The following PRKCA variants were observed in gnomAD, a reference collection of about 807,000 sequenced individuals.
PRKCA encodes the protein protein kinase C alpha, also known as protein kinase C alpha type.
PRKCA carries 27 observed loss-of-function variants against 87.0 expected under a neutral mutation model. The observed-to-expected ratio is 0.31, with a 90% CI of 0.23 to 0.43. The LOEUF (loss-of-function observed/expected upper bound fraction) is 0.43, where lower values mean the gene tolerates loss of function less well. Ranked by LOEUF, PRKCA falls within the 20% of genes least tolerant of loss-of-function variation. PRKCA has a pLI of 1.00. For missense variants in PRKCA, 518 were observed against 852.3 expected, an observed-to-expected ratio of 0.61 and a Z score of 4.88; for synonymous variants, 329 against 311.1, an observed-to-expected ratio of 1.06 and a Z score of -0.61.
chr17:66,394,622 A>G (rs1231275407), intron 2 of PRKCA, among the ~76,000 whole-genome samples: 1 of 152,162 alleles, frequency 6.6e-6, no homozygotes, highest in Non-Finnish European at 1.5e-5. Flanking sequence ...AGTAAACCCC[A>G]TGATATATTT....
At chr17:66,529,112 T>A (rs1191407069) in intron 3 of PRKCA, among the ~76,000 whole-genome samples, 1 of 152,254 alleles carries the variant, frequency 6.6e-6, no homozygotes, top group Non-Finnish European at 1.5e-5. Flanking sequence ...ATATCATCTT[T>A]GATTACTATT....
chr17:66,642,721 T>A (rs1163376854), intron 4 of PRKCA, among the ~76,000 whole-genome samples: 1 of 152,042 alleles, frequency 6.6e-6, no homozygotes, highest in Non-Finnish European at 1.5e-5. Context: ...CCTTACAGAG[T>A]TGTACGGCAT....
At position 66,649,011 on chromosome 17, in the gene PRKCA, C is replaced by T. The variant is rs182773819; in HGVS notation, c.529+3500C>T. On this transcript the variant is annotated intron_variant, in intron 5 of 16. Coordinates refer to ENST00000413366, the MANE Select transcript of PRKCA (RefSeq NM_002737.3). The stretch of plus-strand genomic sequence containing the variant: ...CAGGAGGAGGCTGAGGCAGGATAAT[C>T]GGTTGAACCCAGGAGGTGGAGGTTG... Among the ~76,000 whole-genome samples, 870 of 151,012 alleles carry T rather than the reference C, an allele frequency of 5.8e-3. 5 individuals are homozygous for T. The highest frequency in any genetic ancestry group is 7.6e-3 in the Non-Finnish European group (517 of 67,870).
intron 3 of PRKCA, among the ~76,000 whole-genome samples, chr17:66,632,363 C>CTTTTTGT (rs1378305486): frequency 1.3e-5 from 2 of 151,782 alleles, no homozygotes; most frequent in Non-Finnish European, 2.9e-5. Context: ...GAGGAGGGGG[C>CTTTTTGT]TTTTTGTTTT....
chr17:66,362,026 C>A (rs765250017), intron 2 of PRKCA, among the ~76,000 whole-genome samples: 8 of 147,316 alleles, frequency 5.4e-5, no homozygotes, highest in Non-Finnish European at 7.6e-5. Flanking sequence ...GGGTTGAGCT[C>A]TTTCTTTCTT....
intron 2 of PRKCA, among the ~76,000 whole-genome samples, chr17:66,311,549 C>T (rs1365835098): frequency 6.6e-6 from 1 of 152,034 alleles, no homozygotes; most frequent in Non-Finnish European, 1.5e-5. Flanking sequence ...CCTGGGAGGT[C>T]GAGGATGCAA....
intron 2 of PRKCA, among the ~76,000 whole-genome samples, chr17:66,395,826 A>G (rs753009150): frequency 5.9e-5 from 9 of 152,136 alleles, no homozygotes; most frequent in Non-Finnish European, 1.0e-4. Context: ...AGAGATCCTT[A>G]TAGTCTTTGA....
intron 3 of PRKCA, among the ~76,000 whole-genome samples, chr17:66,586,563 AGTTT>A (rs1364554829): frequency 3.9e-5 from 6 of 152,188 alleles, no homozygotes; most frequent in Non-Finnish European, 7.3e-5. Flanking sequence ...TTTAGGAGTT[AGTTT>A]AAGAAAAGCT....
chr17:66,567,418 G>A (rs1343387840), intron 3 of PRKCA, among the ~76,000 whole-genome samples: 1 of 152,086 alleles, frequency 6.6e-6, no homozygotes, highest in Non-Finnish European at 1.5e-5. Context: ...TTGCTAAGCC[G>A]TGGCTGTTAA....
At chr17:66,793,590 CAAAAAAAAAAAAA>C (rs1168440797) in intron 16 of PRKCA, among the ~76,000 whole-genome samples, 2 of 51,570 alleles carry the variant, frequency 3.9e-5, no homozygotes, top group East Asian at 5.4e-4. Flanking sequence ...AACTCCGTCT[CAAAAAAAAAAAAA>C]AAAAAAAAAA....
rs564686549 is a variant in PRKCA, at chr17:66,655,333, T to C, written c.529+9822T>C. ...CCCATCTCCCCATATTTACCCCTTA[T>C]GTCCCCTACACGTTTGCACTCAGAT... On this transcript the variant is annotated intron_variant, in intron 5 of 16. Transcript: ENST00000413366. 3.9e-5 allele frequency among the ~76,000 whole-genome samples: 6 copies of C among 152,232 alleles called. No homozygotes were observed. In the South Asian group the frequency reaches 1.0e-3, roughly 26 times the overall value.
At chr17:66,649,948 G>A (rs1971547855) in intron 5 of PRKCA, among the ~76,000 whole-genome samples, 1 of 152,184 alleles carries the variant, frequency 6.6e-6, no homozygotes, top group Non-Finnish European at 1.5e-5. Context: ...AGAGGGAAGA[G>A]AGCTCCGATT....
chr17:66,720,076 C>T (rs1474953893), intron 8 of PRKCA, among the ~76,000 whole-genome samples: 3 of 152,060 alleles, frequency 2.0e-5, no homozygotes, highest in Non-Finnish European at 2.9e-5. Context: ...TCCCAGTGGC[C>T]GAAGAAAGTA....
At chr17:66,390,114 T>G (rs1386634170) in intron 2 of PRKCA, among the ~76,000 whole-genome samples, 4 of 152,102 alleles carry the variant, frequency 2.6e-5, no homozygotes, top group African/African-American at 9.7e-5. Context: ...TCCCAGCTAC[T>G]CGGAGGCTGA....
chr17:66,355,404 G>A (rs576081030), intron 2 of PRKCA, among the ~76,000 whole-genome samples: 1 of 152,192 alleles, frequency 6.6e-6, no homozygotes, highest in African/African-American at 2.4e-5. Context: ...TGCTTGTGCA[G>A]TGGTGATGGA....
At chr17:66,646,952 C>G (rs1472687132) in intron 5 of PRKCA, among the ~76,000 whole-genome samples, 1 of 152,190 alleles carries the variant, frequency 6.6e-6, no homozygotes, top group Non-Finnish European at 1.5e-5. Flanking sequence ...TTTATTTTCT[C>G]AAGACCATCC....
intron 2 of PRKCA, among the ~76,000 whole-genome samples, chr17:66,331,788 C>T (rs185774046): frequency 1.9e-4 from 29 of 152,256 alleles, no homozygotes; most frequent in Admixed American, 1.0e-3. Context: ...GAAAGTCTTA[C>T]GAGTGTTCTG....
In PRKCA at chr17:66,497,111, G is replaced by C. The variant is rs188653390; in HGVS notation, c.288+828G>C. Among the ~76,000 whole-genome samples, 394 of 152,316 alleles carry C rather than the reference G, an allele frequency of 2.6e-3. 6 individuals carry two copies. The highest frequency in any genetic ancestry group is 6.6e-4 in the Non-Finnish European group (45 of 68,040). Reference sequence around the variant, plus strand: ...AATTTAGCATCTGTTTCACTGAACAGTGATCTCTGAAGTTGCCCATGTGTG... The same window carrying C: ...AATTTAGCATCTGTTTCACTGAACACTGATCTCTGAAGTTGCCCATGTGTG... On this transcript the variant is annotated intron_variant, in intron 3 of 16. Transcript: ENST00000413366.
chr17:66,309,761 A>G (rs920541465), intron 2 of PRKCA, among the ~76,000 whole-genome samples: 1 of 152,180 alleles, frequency 6.6e-6, no homozygotes, highest in African/African-American at 2.4e-5. Flanking sequence ...TTTCATCTCC[A>G]TAAAACTAGC....
Sources: gnomAD v4.1 joint callset for allele counts (sites outside exome capture counted in the v4.1 genomes callset) on GRCh38, gnomAD v4.1.1 for gene constraint, MANE v1.5 for transcripts, NCBI Gene and HGNC (gene_info 2026-07-23, HGNC 2026-07-21) for gene names.